Variants in RBMS3 observed in about 807,000 individuals in gnomAD.
RBMS3 encodes RNA binding motif single stranded interacting protein 3.
Under a neutral mutation model 66.8 loss-of-function variants are expected in RBMS3, and 27 were observed. The ratio of observed to expected loss-of-function variants is 0.40; its 90% CI spans 0.30 to 0.56. The LOEUF (loss-of-function observed/expected upper bound fraction) is 0.56, where lower values mean the gene tolerates loss of function less well. Ranked by LOEUF, RBMS3 falls within the 20% of genes least tolerant of loss-of-function variation. The pLI, the probability that RBMS3 is intolerant of heterozygous loss-of-function variation, is 0.40. For missense variants in RBMS3, 513 were observed against 549.5 expected, an observed-to-expected ratio of 0.93 and a Z score of 0.66; for synonymous variants, 188 against 183.0, an observed-to-expected ratio of 1.03 and a Z score of -0.22.
chr3:29,455,128 A>G (rs949876524), intron 2 of RBMS3, among the ~76,000 whole-genome samples: 16 of 152,116 alleles, frequency 1.1e-4, no homozygotes, highest in Non-Finnish European at 2.4e-4. Context: ...TTTTGTCTCC[A>G]ATTTTTGCAG....
chr3:29,766,128 T>G (rs1576741287), intron 6 of RBMS3: 1 of 151,968 alleles, frequency 6.6e-6, no homozygotes, highest in Non-Finnish European at 1.5e-5. Context: ...GAGCAATTGG[T>G]GCCATATTCA....
rs111560914 is a variant in RBMS3 at position 29,904,599 on chromosome 3, G to A, written c.939+4844G>A. 2.0e-4 allele frequency among the ~76,000 whole-genome samples: 31 copies of A among 152,028 alleles called. 2 individuals carry two copies. The highest frequency in any genetic ancestry group is 7.2e-4 in the African/African-American group (30 of 41,526). ...TAATATTACACCCTAGTGAGAAAAC[G>A]TCTGTCAGATAAGTTGCTGACACAA... On this transcript the variant is annotated intron_variant, in intron 10 of 14. Transcript: ENST00000383767.
intron 1 of RBMS3, among the ~76,000 whole-genome samples, chr3:29,315,583 G>A (rs372141151): frequency 2.8e-4 from 43 of 151,744 alleles, no homozygotes; most frequent in African/African-American, 8.4e-4. Flanking sequence ...GGGCATTTGC[G>A]TGTGTGAGAG....
chr3:29,337,795 C>G (rs2036040635), intron 1 of RBMS3, among the ~76,000 whole-genome samples: 3 of 152,126 alleles, frequency 2.0e-5, no homozygotes, highest in African/African-American at 7.2e-5. Flanking sequence ...CCTTACAATA[C>G]TACTTGTCTC....
chr3:29,935,405 A>T (rs1029359916), intron 10 of RBMS3, among the ~76,000 whole-genome samples: 8 of 151,748 alleles, frequency 5.3e-5, no homozygotes, highest in African/African-American at 1.5e-4. Flanking sequence ...TTTTATTTTT[A>T]AAAAAAAATT....
In RBMS3 at chr3:29,941,520, AG is replaced by A. The variant is rs2061393466; in HGVS notation, c.1051-2686del. Among the ~76,000 whole-genome samples the A allele has an allele frequency of 2.0e-5, 3 of 151,836 alleles. No homozygotes were observed. In the South Asian group the frequency reaches 6.2e-4, roughly 31 times the overall value. On this transcript the variant is annotated intron_variant, in intron 11 of 14. Coordinates refer to ENST00000383767, the MANE Select transcript of RBMS3 (RefSeq NM_001003793.3). ...CAGAAAATATATCTAAAAAGGTAAT[AG>A]TTTAAAAAAATTGGTTTAGTCTTAC...
chr3:29,589,502 T>G (rs2047649967), intron 4 of RBMS3, among the ~76,000 whole-genome samples: 1 of 152,132 alleles, frequency 6.6e-6, no homozygotes, highest in South Asian at 2.1e-4. Context: ...CTCTTAGCTT[T>G]AGACTCATAT....
At chr3:29,454,960 G>A (rs550158060) in intron 2 of RBMS3, among the ~76,000 whole-genome samples, 2 of 152,002 alleles carry the variant, frequency 1.3e-5, no homozygotes, top group African/African-American at 4.8e-5. Flanking sequence ...GCATTTCAAC[G>A]TCAAAATAGC....
intron 4 of RBMS3, among the ~76,000 whole-genome samples, chr3:29,643,477 T>G (rs1174754264): frequency 1.3e-5 from 2 of 152,096 alleles, no homozygotes; most frequent in Admixed American, 1.3e-4. Context: ...GCCGAGGGTG[T>G]CTTAGCTTAG....
chr3:29,657,086 C>A (rs185474951), intron 4 of RBMS3, among the ~76,000 whole-genome samples: 72 of 152,242 alleles, frequency 4.7e-4, no homozygotes, highest in Admixed American at 4.7e-3. Context: ...ATTTCCTAGG[C>A]TAGAATTCAG....
At chr3:29,490,984 A>G (rs2043521617) in intron 3 of RBMS3, among the ~76,000 whole-genome samples, 1 of 152,198 alleles carries the variant, frequency 6.6e-6, no homozygotes, top group Non-Finnish European at 1.5e-5. Flanking sequence ...AGCGGTCAAT[A>G]TGAAGGGATA....
intron 12 of RBMS3, among the ~76,000 whole-genome samples, chr3:29,983,588 G>A (rs765468468): frequency 1.1e-4 from 17 of 151,920 alleles, no homozygotes; most frequent in African/African-American, 4.1e-4. Flanking sequence ...TTTCCTTCAG[G>A]AGCTCTTGTA....
intron 1 of RBMS3, among the ~76,000 whole-genome samples, chr3:29,340,101 A>G (rs1373247783): frequency 1.3e-5 from 2 of 152,182 alleles, no homozygotes; most frequent in African/African-American, 2.4e-5. Flanking sequence ...AGTAATGTCA[A>G]GCACATATAG....
intron 5 of RBMS3, among the ~76,000 whole-genome samples, chr3:29,748,838 A>G (rs1163106361): frequency 2.6e-5 from 4 of 152,184 alleles, no homozygotes; most frequent in African/African-American, 4.8e-5. Context: ...TTCATTCCCA[A>G]ATGGTTCTGT....
intron 1 of RBMS3, among the ~76,000 whole-genome samples, chr3:29,388,487 G>C (rs185880369): frequency 6.6e-6 from 1 of 152,142 alleles, no homozygotes; most frequent in Non-Finnish European, 1.5e-5. Context: ...GGAAGGCCAC[G>C]TTAAAGAAAC....
intron 4 of RBMS3, among the ~76,000 whole-genome samples, chr3:29,719,738 T>C (rs1417189045): frequency 6.6e-6 from 1 of 152,152 alleles, no homozygotes; most frequent in African/African-American, 2.4e-5. Context: ...TGGACTTTCT[T>C]TTCTCAAATT....
intron 6 of RBMS3, among the ~76,000 whole-genome samples, chr3:29,864,178 T>C (rs1481342804): frequency 6.6e-6 from 1 of 152,200 alleles, no homozygotes; most frequent in Non-Finnish European, 1.5e-5. Flanking sequence ...GTTTTTCTAG[T>C]AGTAAAATAC....
At chr3:29,886,117 G>A (rs1488677957) in intron 8 of RBMS3, among the ~76,000 whole-genome samples, 2 of 151,628 alleles carry the variant, frequency 1.3e-5, no homozygotes, top group Non-Finnish European at 1.5e-5. Context: ...AAAGACATTA[G>A]TCACATGATA....
intron 3 of RBMS3, among the ~76,000 whole-genome samples, chr3:29,497,314 A>C (rs1443426670): frequency 1.3e-5 from 2 of 152,142 alleles, no homozygotes; most frequent in Non-Finnish European, 2.9e-5. Context: ...TAGCCTGGGA[A>C]AACATTTTTA....
Sources: gnomAD v4.1 joint callset for allele counts (sites outside exome capture counted in the v4.1 genomes callset) on GRCh38, gnomAD v4.1.1 for gene constraint, MANE v1.5 for transcripts, NCBI Gene and HGNC (gene_info 2026-07-23, HGNC 2026-07-21) for gene names.